The following XPR1 variants were observed in gnomAD, a reference collection of about 807,000 sequenced individuals.
XPR1 encodes solute carrier family 53 member 1.
A neutral mutation model predicts 87.5 loss-of-function variants in XPR1; 28 were observed. That is an observed-to-expected ratio of 0.32 (90% confidence interval 0.24 to 0.44). The LOEUF (loss-of-function observed/expected upper bound fraction) is 0.44, where lower values mean the gene tolerates loss of function less well. Ranked by LOEUF, XPR1 falls within the 20% of genes least tolerant of loss-of-function variation. The pLI, the probability that XPR1 is intolerant of heterozygous loss-of-function variation, is 1.00. For synonymous variants in XPR1, 300 were observed against 306.1 expected (o/e 0.98, Z 0.21); for missense variants, 559 against 862.3 (o/e 0.65, Z 4.41).
intron 1 of XPR1, among the ~76,000 whole-genome samples, chr1:180,681,911 A>G (rs998326853): frequency 1.2e-4 from 19 of 152,372 alleles, no homozygotes; most frequent in Admixed American, 5.2e-4. Flanking sequence ...ACTTAACACT[A>G]TTGAACTGTA....
intron 2 of XPR1, among the ~76,000 whole-genome samples, chr1:180,773,567 T>TA (rs917619873): frequency 6.6e-6 from 1 of 152,134 alleles, no homozygotes; most frequent in African/African-American, 2.4e-5. Flanking sequence ...TACTCATACT[T>TA]ATTTGTATCT....
chr1:180,884,209 T>C lies in XPR1; in HGVS notation c.*143T>C. 1 of 574,240 alleles carries C rather than the reference T, an allele frequency of 1.7e-6. No individual in the cohort carries two copies. The highest frequency in any genetic ancestry group is 3.0e-6 in the Non-Finnish European group (1 of 332,360). 35.6% of individuals were successfully genotyped at this position (574,240 alleles called of 1,614,324 possible). ...CCGAGCTCTTCCGGATCGGATCCTATGGACTCCAAACAAGCTCACTGTGTT... is the reference window on the plus strand; with the variant it reads ...CCGAGCTCTTCCGGATCGGATCCTACGGACTCCAAACAAGCTCACTGTGTT... On this transcript the variant is annotated 3_prime_UTR_variant, in exon 15 of 15. Transcript: ENST00000367590.
At chr1:180,872,632 C>A (rs1652537703) in intron 12 of XPR1, among the ~76,000 whole-genome samples, 1 of 129,424 alleles carries the variant, frequency 7.7e-6, no homozygotes. Context: ...CTCCCTGACC[C>A]CTTGCGCTTC....
rs542548136 is a variant in XPR1 at position 180,785,950 on chromosome 1, A to T, written c.122-1803A>T. On this transcript the variant is annotated intron_variant, in intron 2 of 14. Transcript: ENST00000367590. ...CTTAACGCAAACTCAGCTTTAAAAA[A>T]AAAAAAAAGCAAGGGAAAAAGAAAA... Among the ~76,000 whole-genome samples, 66 of 151,772 alleles carry T rather than the reference A, an allele frequency of 4.3e-4. 2 individuals are homozygous for T. In the Middle Eastern group the frequency reaches 0.01, roughly 23 times the overall value.
chr1:180,711,732 G>A (rs1471276012), intron 2 of XPR1, among the ~76,000 whole-genome samples: 1 of 152,170 alleles, frequency 6.6e-6, no homozygotes, highest in African/African-American at 2.4e-5. Flanking sequence ...CAATTTATCA[G>A]TTCTTTTGTG....
At chr1:180,666,298 A>G (rs1655961061) in intron 1 of XPR1, among the ~76,000 whole-genome samples, 1 of 152,176 alleles carries the variant, frequency 6.6e-6, no homozygotes, top group South Asian at 2.1e-4. Flanking sequence ...TGAATTTGAC[A>G]ATGGGGTTTT....
intron 7 of XPR1, among the ~76,000 whole-genome samples, chr1:180,815,960 G>A (rs1187857858): frequency 6.6e-6 from 1 of 152,176 alleles, no homozygotes; most frequent in Non-Finnish European, 1.5e-5. Flanking sequence ...ATGCTAGGAG[G>A]ATAGTCATTG....
At chr1:180,874,611 A>G (rs1652602852) in intron 13 of XPR1, among the ~76,000 whole-genome samples, 1 of 152,118 alleles carries the variant, frequency 6.6e-6, no homozygotes, top group Non-Finnish European at 1.5e-5. Context: ...AATCGCTTGA[A>G]TCCAGGAGGC....
chr1:180,707,149 T>G (rs1657587078), intron 2 of XPR1, among the ~76,000 whole-genome samples: 1 of 152,220 alleles, frequency 6.6e-6, no homozygotes, highest in African/African-American at 2.4e-5. Context: ...GTTGGAAGAA[T>G]AGTTACATGG....
Position 180,880,121 on chromosome 1 carries a change from T to C in XPR1, c.1854T>C (p.Asn618=). 6.2e-7 allele frequency: 1 copy of C among 1,614,200 alleles called. No homozygotes were observed. Among genetic ancestry groups the C allele is most frequent in the Non-Finnish European group, 8.5e-7 (1 of 1,180,034 alleles). The change falls in exon 14 of 15, where the codon AAT becomes AAC. Residue 618 remains asparagine, a synonymous_variant. Transcript: ENST00000367590. ...TCCGCCTGGAGAATGAACATCTGAA[T>C]AACTGTGGTGAATTCCGTGCTGTGC... ...NFFRLENEHL[N]NCGEFRAVRD... is the part of the protein sequence containing the mutation.
chr1:180,635,119 A>G (rs748862041), intron 1 of XPR1, among the ~76,000 whole-genome samples: 7 of 152,270 alleles, frequency 4.6e-5, no homozygotes, highest in Admixed American at 1.3e-4. Flanking sequence ...TGTGGTGTTC[A>G]TAGATTCAGT....
At chr1:180,757,779 A>C (rs1647808723) in intron 2 of XPR1, among the ~76,000 whole-genome samples, 1 of 146,356 alleles carries the variant, frequency 6.8e-6, no homozygotes, top group Non-Finnish European at 1.5e-5. Context: ...CTCCCAAAGC[A>C]CTGGGATTGC....
rs117881889 is a variant in XPR1, at chr1:180,763,880, A to C, written c.122-23873A>C. ...CTTCCAATATTTTATCTCACCTAAA[A>C]AAATAAAATACTGTGTACACAATAA... On this transcript the variant is annotated intron_variant, in intron 2 of 14. Coordinates refer to ENST00000367590, the MANE Select transcript of XPR1 (RefSeq NM_004736.4). 5.5e-4 allele frequency among the ~76,000 whole-genome samples: 84 copies of C among 152,324 alleles called. No homozygotes were observed. The East Asian group carries it at 0.013, about 23-fold the overall frequency.
chr1:180,884,780 AT>A lies in XPR1; in HGVS notation c.*715del, dbSNP rs1250330707. 4.6e-5 allele frequency: 7 copies of A among 152,654 alleles called. No homozygotes were observed. Among genetic ancestry groups the A allele is most frequent in the African/African-American group, 1.7e-4 (7 of 41,446 alleles). The allele number at this position is 152,654 out of a possible 1,614,324, so 9.5% of individuals were successfully genotyped here. The stretch of plus-strand genomic sequence containing the variant: ...AGAAGGCAGGGGAAACTTACGTTGG[AT>A]GACATTTATGAGGGTCAGTCCCACA... On this transcript the variant is annotated 3_prime_UTR_variant, in exon 15 of 15. Coordinates refer to ENST00000367590, the MANE Select transcript of XPR1 (RefSeq NM_004736.4).
At chr1:180,828,471 T>C (rs1480992507) in intron 9 of XPR1, among the ~76,000 whole-genome samples, 2 of 152,190 alleles carry the variant, frequency 1.3e-5, no homozygotes, top group Non-Finnish European at 2.9e-5. Flanking sequence ...AACAAAAATA[T>C]AAATTTTAAC....
intron 2 of XPR1, among the ~76,000 whole-genome samples, chr1:180,744,122 A>C (rs184416746): frequency 6.6e-6 from 1 of 152,228 alleles, no homozygotes; most frequent in African/African-American, 2.4e-5. Context: ...GACTTTTTGC[A>C]GTCCCTCAAG....
At chr1:180,712,317 C>T (rs1027953018) in intron 2 of XPR1, among the ~76,000 whole-genome samples, 2 of 152,124 alleles carry the variant, frequency 1.3e-5, no homozygotes, top group African/African-American at 2.4e-5. Flanking sequence ...GTTCCCTATA[C>T]GAAGGGATGA....
chr1:180,882,346 T>C (rs1652871981), intron 14 of XPR1, among the ~76,000 whole-genome samples: 1 of 152,084 alleles, frequency 6.6e-6, no homozygotes, highest in African/African-American at 2.4e-5. Flanking sequence ...TTAATGTGTG[T>C]GGTTTTTTTG....
intron 1 of XPR1, among the ~76,000 whole-genome samples, chr1:180,666,483 T>C (rs1655966966): frequency 6.6e-6 from 1 of 152,216 alleles, no homozygotes. Flanking sequence ...TTCTTTATAT[T>C]GTACATGTCT....
Sources: allele counts gnomAD v4.1 joint callset (sites outside exome capture counted in the v4.1 genomes callset), GRCh38; gene constraint gnomAD v4.1.1; transcripts MANE v1.5; gene names NCBI Gene and HGNC (gene_info 2026-07-23, HGNC 2026-07-21).